Variants in PRELID2 observed in about 807,000 individuals in gnomAD.
PRELID2 encodes the protein PRELI domain containing 2, also known as PRELI domain-containing protein 2.
PRELID2 carries 25 observed loss-of-function variants against 28.4 expected under a neutral mutation model. The observed-to-expected ratio is 0.88, with a 90% CI of 0.64 to 1.23. PRELID2 has a LOEUF of 1.23. Among genes scored for constraint, PRELID2 ranks in the 50% most tolerant of loss-of-function variants. The pLI, the probability that PRELID2 is intolerant of heterozygous loss-of-function variation, is 0.00. For missense variants in PRELID2, 201 were observed against 214.4 expected, an observed-to-expected ratio of 0.94 and a Z score of 0.39; for synonymous variants, 76 against 71.6, an observed-to-expected ratio of 1.06 and a Z score of -0.31.
chr5:145,645,483 A>C (rs1754182392), intron 1 of PRELID2, among the ~76,000 whole-genome samples: 1 of 151,008 alleles, frequency 6.6e-6, no homozygotes, highest in African/African-American at 2.4e-5. Flanking sequence ...TCTTGACTCT[A>C]TCCAATTTGC....
In PRELID2 at chr5:145,756,448, C is replaced by CCTG. The variant is rs1757258263; in HGVS notation, c.*4087_*4088insCAG. On this transcript the variant is annotated 3_prime_UTR_variant, in exon 7 of 7. Coordinates refer to ENST00000683046, the MANE Select transcript of PRELID2 (RefSeq NM_205846.3). ...CAATAACACTGAATCAGAAACACTT[C>CCTG]ATCCCACATAAAAATTTGGCCTGAT... Among the ~76,000 whole-genome samples the CCTG allele has an allele frequency of 2.0e-5, 3 of 152,212 alleles. No homozygotes were observed. The highest frequency in any genetic ancestry group is 7.2e-5 in the African/African-American group (3 of 41,448).
At chr5:145,747,072 A>C (rs1375159155) in intron 1 of PRELID2, among the ~76,000 whole-genome samples, 1 of 152,172 alleles carries the variant, frequency 6.6e-6, no homozygotes, top group Admixed American at 6.5e-5. Flanking sequence ...TGCCCACATT[A>C]GAAAGCCAGA....
chr5:145,826,412 C>T (rs1160327639), intron 1 of PRELID2, among the ~76,000 whole-genome samples: 2 of 152,128 alleles, frequency 1.3e-5, no homozygotes, highest in Non-Finnish European at 2.9e-5. Context: ...TGCAAGAGAA[C>T]GATCCCACAG....
At chr5:145,447,807 T>C in the PRELID2 span, among the ~76,000 whole-genome samples, 4 of 133,100 alleles carry the variant, frequency 3.0e-5, no homozygotes, top group African/African-American at 1.1e-4. Flanking sequence ...GAACTCATCA[T>C]TTTTTATGGC....
the PRELID2 span, among the ~76,000 whole-genome samples, chr5:145,357,750 G>A: frequency 6.6e-5 from 10 of 151,624 alleles, 1 homozygote; most frequent in Admixed American, 2.0e-4. Flanking sequence ...CTGACATTTC[G>A]GCCATTTTAT....
At chr5:145,828,306 G>C (rs544602153) in intron 1 of PRELID2, among the ~76,000 whole-genome samples, 2 of 152,248 alleles carry the variant, frequency 1.3e-5, no homozygotes, top group African/African-American at 4.8e-5. Context: ...AGCTGGTTTT[G>C]CTACTAACAA....
chr5:145,257,213 A>G, the PRELID2 span, among the ~76,000 whole-genome samples: 1 of 152,092 alleles, frequency 6.6e-6, no homozygotes. Context: ...AAATTTAACT[A>G]TTTAACAAAA....
At chr5:145,303,396 C>T in the PRELID2 span, among the ~76,000 whole-genome samples, 1 of 152,114 alleles carries the variant, frequency 6.6e-6, no homozygotes, top group Non-Finnish European at 1.5e-5. Context: ...CAGACTGTCA[C>T]CCAGAAGATT....
At chr5:145,545,441 A>C (rs2126676066) in intron 1 of PRELID2, among the ~76,000 whole-genome samples, 1 of 109,380 alleles carries the variant, frequency 9.1e-6, no homozygotes, top group East Asian at 3.9e-4. Context: ...TATATGATGG[A>C]GTAGAAGGCA....
At chr5:145,575,776 G>C (rs1366122922) in intron 1 of PRELID2, among the ~76,000 whole-genome samples, 1 of 152,094 alleles carries the variant, frequency 6.6e-6, no homozygotes, top group African/African-American at 2.4e-5. Flanking sequence ...GATTACATTA[G>C]ACCTTGCATA....
chr5:145,275,487 G>C, the PRELID2 span, among the ~76,000 whole-genome samples: 1 of 152,088 alleles, frequency 6.6e-6, no homozygotes, highest in Non-Finnish European at 1.5e-5. Flanking sequence ...ACCCAAGGAT[G>C]AGAAAATAGC....
At chr5:145,326,120 A>G in the PRELID2 span, among the ~76,000 whole-genome samples, 1 of 152,016 alleles carries the variant, frequency 6.6e-6, no homozygotes, top group Non-Finnish European at 1.5e-5. Context: ...CGATCCTCCC[A>G]TCTCAGCCTA....
intron 1 of PRELID2, among the ~76,000 whole-genome samples, chr5:145,610,485 A>T (rs1753598181): frequency 6.6e-6 from 1 of 152,214 alleles, no homozygotes; most frequent in South Asian, 2.1e-4. Flanking sequence ...ATGATAATTC[A>T]AAATAAGTAT....
At chr5:145,641,326 T>C (rs1754102998) in intron 1 of PRELID2, among the ~76,000 whole-genome samples, 1 of 152,078 alleles carries the variant, frequency 6.6e-6, no homozygotes, top group Admixed American at 6.6e-5. Flanking sequence ...GTAAAAGATA[T>C]TAGCAGACAG....
chr5:145,499,586 G>A (rs190070584), intron 1 of PRELID2, among the ~76,000 whole-genome samples: 19 of 152,268 alleles, frequency 1.2e-4, no homozygotes, highest in East Asian at 3.9e-4. Context: ...CAGAGAAGCC[G>A]AAGGAGAGAG....
chr5:145,605,857 C>T (rs1003436634), intron 1 of PRELID2, among the ~76,000 whole-genome samples: 14 of 151,902 alleles, frequency 9.2e-5, no homozygotes, highest in African/African-American at 3.1e-4. Flanking sequence ...TTGCTTTGAG[C>T]GGGATGGCCA....
Position 145,756,993 on chromosome 5 carries a change from C to T in PRELID2, c.*3543G>A, listed in dbSNP as rs150830802. On this transcript the variant is annotated 3_prime_UTR_variant, in exon 7 of 7. Coordinates refer to ENST00000683046, the MANE Select transcript of PRELID2 (RefSeq NM_205846.3). ...CTGAAAGAATTAAAAACATATATGA[C>T]GACTCTGAAAAGATTTAATTATCCC... 5.9e-5 allele frequency among the ~76,000 whole-genome samples: 9 copies of T among 151,952 alleles called. No individual in the cohort carries two copies. The highest frequency in any genetic ancestry group is 2.0e-4 in the Admixed American group (3 of 15,252).
At chr5:145,497,069 G>A (rs1367708758) in intron 1 of PRELID2, among the ~76,000 whole-genome samples, 1 of 152,078 alleles carries the variant, frequency 6.6e-6, no homozygotes, top group Middle Eastern at 3.4e-3. Context: ...TCGCTACATT[G>A]CACAGGCTGG....
the PRELID2 span, among the ~76,000 whole-genome samples, chr5:145,332,402 C>G: frequency 6.6e-6 from 1 of 152,188 alleles, no homozygotes; most frequent in Non-Finnish European, 1.5e-5. Flanking sequence ...TTCAGGTACA[C>G]CAATCAAACG....
Sources: gnomAD v4.1 joint callset for allele counts (sites outside exome capture counted in the v4.1 genomes callset) on GRCh38, gnomAD v4.1.1 for gene constraint, MANE v1.5 for transcripts, NCBI Gene and HGNC (gene_info 2026-07-23, HGNC 2026-07-21) for gene names.